The following ZBTB7C variants were observed in gnomAD, a reference collection of about 807,000 sequenced individuals.
ZBTB7C encodes zinc finger and BTB domain-containing protein 7C.
A neutral mutation model predicts 25.7 loss-of-function variants in ZBTB7C; 8 were observed. The ratio of observed to expected loss-of-function variants is 0.31; its 90% CI spans 0.18 to 0.56. ZBTB7C has a LOEUF of 0.56. Among genes scored for constraint, ZBTB7C ranks in the 20% least tolerant of loss-of-function variants. The pLI is 0.91. For synonymous variants in ZBTB7C, 394 were observed against 369.0 expected (o/e 1.07, Z -0.78); for missense variants, 824 against 855.2 (o/e 0.96, Z 0.46).
chr18:48,106,953 G>A (rs775493798), intron 3 of ZBTB7C, among the ~76,000 whole-genome samples: 1 of 152,096 alleles, frequency 6.6e-6, no homozygotes, highest in East Asian at 1.9e-4. Flanking sequence ...AGGCTGCCCA[G>A]AATTGTCTGT....
At chr18:48,314,078 A>T (rs1598849365) in intron 2 of ZBTB7C, among the ~76,000 whole-genome samples, 1 of 152,226 alleles carries the variant, frequency 6.6e-6, no homozygotes, top group Non-Finnish European at 1.5e-5. Flanking sequence ...CAAAACGGTA[A>T]GCCAATTAAA....
chr18:48,097,241 G>A (rs193045679), intron 3 of ZBTB7C, among the ~76,000 whole-genome samples: 6 of 152,272 alleles, frequency 3.9e-5, no homozygotes, highest in South Asian at 2.1e-4. Context: ...TGGATCTTGC[G>A]TGACCATCTT....
intron 3 of ZBTB7C, among the ~76,000 whole-genome samples, chr18:48,117,074 G>C (rs1052841034): frequency 6.6e-6 from 1 of 152,060 alleles, no homozygotes; most frequent in Non-Finnish European, 1.5e-5. Flanking sequence ...CGTGGTTAGA[G>C]CTGTGAATGT....
chr18:48,029,404 G>GC lies in ZBTB7C; in HGVS notation c.1715dup (p.Leu573ProfsTer80), dbSNP rs1197932708. On this transcript the variant is annotated frameshift_variant, in exon 5 of 5. Coordinates refer to ENST00000590800, the MANE Select transcript of ZBTB7C (RefSeq NM_001318841.2). LOFTEE classifies it high-confidence loss of function. ...TCTCGGCCAGCGCGAAGGCCAGGAG[G>GC]CCCCCCGCGTTCCTCTCAGCCTCCA... 5.1e-6 allele frequency: 8 copies of GC among 1,570,656 alleles called. No homozygotes were observed. The highest frequency in any genetic ancestry group is 3.4e-6 in the Non-Finnish European group (4 of 1,162,208).
At chr18:48,201,999 A>G (rs2042461206) in intron 2 of ZBTB7C, among the ~76,000 whole-genome samples, 1 of 152,158 alleles carries the variant, frequency 6.6e-6, no homozygotes, top group East Asian at 1.9e-4. Flanking sequence ...CCGCTTCCCA[A>G]TCCCAGAGGC....
At chr18:48,228,884 T>C (rs1050439384) in intron 2 of ZBTB7C, among the ~76,000 whole-genome samples, 15 of 152,106 alleles carry the variant, frequency 9.9e-5, no homozygotes, top group African/African-American at 3.1e-4. Flanking sequence ...CTTTAGACTT[T>C]AACATCAAGG....
chr18:48,119,745 C>T (rs1238032292), intron 3 of ZBTB7C, among the ~76,000 whole-genome samples: 1 of 152,156 alleles, frequency 6.6e-6, no homozygotes, highest in Non-Finnish European at 1.5e-5. Flanking sequence ...CTCCCCTGAG[C>T]TCCAGGACTG....
chr18:48,041,949 T>A (rs1210438000), intron 3 of ZBTB7C, among the ~76,000 whole-genome samples: 1 of 152,190 alleles, frequency 6.6e-6, no homozygotes, highest in Non-Finnish European at 1.5e-5. Context: ...GTGAGAAGCG[T>A]CTTCTGAGAC....
At chr18:48,393,387 T>C (rs777680443) in intron 1 of ZBTB7C, among the ~76,000 whole-genome samples, 38 of 151,862 alleles carry the variant, frequency 2.5e-4, no homozygotes, top group Non-Finnish European at 4.3e-4. Context: ...CTTTCCCTTT[T>C]CTTCCCCTTT....
intron 1 of ZBTB7C, among the ~76,000 whole-genome samples, chr18:48,367,819 C>T (rs537540827): frequency 2.0e-5 from 3 of 151,946 alleles, no homozygotes; most frequent in Non-Finnish European, 2.9e-5. Flanking sequence ...CCCCCAACCC[C>T]GTGTGGTGTC....
chr18:48,324,801 C>T (rs2046179939), intron 2 of ZBTB7C, among the ~76,000 whole-genome samples: 1 of 152,106 alleles, frequency 6.6e-6, no homozygotes, highest in Non-Finnish European at 1.5e-5. Context: ...GGGATGGTGG[C>T]AGGAAACGCC....
chr18:48,267,626 A>G (rs2044351274), intron 2 of ZBTB7C, among the ~76,000 whole-genome samples: 1 of 152,180 alleles, frequency 6.6e-6, no homozygotes, highest in Non-Finnish European at 1.5e-5. Flanking sequence ...GTCTCCATCA[A>G]ACTCACATGT....
At chr18:48,154,524 T>TA (rs2040775377) in intron 3 of ZBTB7C, among the ~76,000 whole-genome samples, 1 of 152,228 alleles carries the variant, frequency 6.6e-6, no homozygotes, top group South Asian at 2.1e-4. Context: ...CCTGTTCAAT[T>TA]CTTTAAGGGT....
chr18:48,332,971 C>T (rs1459126800), intron 2 of ZBTB7C, among the ~76,000 whole-genome samples: 1 of 152,066 alleles, frequency 6.6e-6, no homozygotes, highest in African/African-American at 2.4e-5. Flanking sequence ...GTCTCTAGTG[C>T]TCCAATCAGC....
intron 1 of ZBTB7C, among the ~76,000 whole-genome samples, chr18:48,374,908 C>G (rs2047482292): frequency 6.6e-6 from 1 of 152,208 alleles, no homozygotes; most frequent in Non-Finnish European, 1.5e-5. Context: ...GGGTGCTGGC[C>G]TGGAAGAGAG....
intron 2 of ZBTB7C, among the ~76,000 whole-genome samples, chr18:48,266,419 A>G (rs1400759548): frequency 6.6e-6 from 1 of 152,178 alleles, no homozygotes; most frequent in African/African-American, 2.4e-5. Context: ...GGTTCTTAAC[A>G]CAGGCAATAC....
At chr18:48,205,883 A>C (rs2042565675) in intron 2 of ZBTB7C, among the ~76,000 whole-genome samples, 1 of 152,090 alleles carries the variant, frequency 6.6e-6, no homozygotes, top group Non-Finnish European at 1.5e-5. Context: ...CACTACCCCC[A>C]AGCTGGGCTG....
intron 2 of ZBTB7C, among the ~76,000 whole-genome samples, chr18:48,200,411 C>A (rs972374398): frequency 1.3e-5 from 2 of 152,052 alleles, no homozygotes; most frequent in Admixed American, 1.3e-4. Context: ...GCAAATCTAA[C>A]CCCTACCTGG....
chr18:48,390,191 A>G (rs1477218547), intron 1 of ZBTB7C, among the ~76,000 whole-genome samples: 6 of 152,246 alleles, frequency 3.9e-5, no homozygotes, highest in Non-Finnish European at 8.8e-5. Context: ...AATAGAAGAT[A>G]AAGATAGGCT....
Sources: allele counts gnomAD v4.1 joint callset (sites outside exome capture counted in the v4.1 genomes callset), GRCh38; gene constraint gnomAD v4.1.1; transcripts MANE v1.5; gene names NCBI Gene and HGNC (gene_info 2026-07-23, HGNC 2026-07-21).